IMMP2L: variants seen among roughly 807,000 people sequenced by gnomAD.
IMMP2L encodes the protein mitochondrial inner membrane protease subunit 2.
In IMMP2L, 18 loss-of-function variants were observed where a neutral mutation model predicts 19.3. The ratio of observed to expected loss-of-function variants is 0.93; its 90% CI spans 0.64 to 1.38. The LOEUF (loss-of-function observed/expected upper bound fraction) is 1.38. Ranked by LOEUF, IMMP2L falls within the 40% of genes most tolerant of loss-of-function variation. The pLI is 0.00. For missense variants in IMMP2L, 233 were observed against 218.2 expected, an observed-to-expected ratio of 1.07 and a Z score of -0.43; for synonymous variants, 76 against 73.0, an observed-to-expected ratio of 1.04 and a Z score of -0.21.
chr7:111,053,186 T>C (rs940028487), intron 3 of IMMP2L, among the ~76,000 whole-genome samples: 13 of 152,204 alleles, frequency 8.5e-5, no homozygotes, highest in African/African-American at 3.1e-4. Context: ...GCAAGCAGCT[T>C]GAAAGATATG....
rs578126614 is a variant in IMMP2L at position 110,961,458 on chromosome 7, C to A, written c.305+2042G>T. Among the ~76,000 whole-genome samples the A allele has an allele frequency of 5.5e-3, 815 of 147,236 alleles. 7 individuals are homozygous for A. The highest frequency in any genetic ancestry group is 7.1e-3 in the Middle Eastern group (2 of 282). Reference sequence around the variant, plus strand: ...TTTTTTTTTTTTTTCAGTACAGACACAACTATCATTTGTTTTCTCTCTCTC... The same window carrying A: ...TTTTTTTTTTTTTTCAGTACAGACAAAACTATCATTTGTTTTCTCTCTCTC... On this transcript the variant is annotated intron_variant, in intron 4 of 5. Coordinates refer to ENST00000405709, the MANE Select transcript of IMMP2L (RefSeq NM_032549.4).
Position 111,471,529 on chromosome 7 carries a change from C to T in IMMP2L, c.239+15709G>A, listed in dbSNP as rs557244520. Among the ~76,000 whole-genome samples the T allele has an allele frequency of 2.6e-5, 4 of 152,006 alleles. No homozygotes were observed. In the East Asian group the frequency reaches 5.8e-4, roughly 22 times the overall value. On this transcript the variant is annotated intron_variant, in intron 3 of 5. Coordinates refer to ENST00000405709, the MANE Select transcript of IMMP2L (RefSeq NM_032549.4). ...TGAGATGTGCCAAATGAAACCAACA[C>T]CAGATTTTTAAGACCTTATTTCGAA...
At chr7:111,404,108 T>C (rs1419505266) in intron 3 of IMMP2L, among the ~76,000 whole-genome samples, 3 of 152,158 alleles carry the variant, frequency 2.0e-5, no homozygotes, top group Non-Finnish European at 4.4e-5. Context: ...TCTACTTGGC[T>C]AGAAAACAAA....
At chr7:111,103,911 T>C (rs906878651) in intron 3 of IMMP2L, among the ~76,000 whole-genome samples, 5 of 151,622 alleles carry the variant, frequency 3.3e-5, no homozygotes, top group African/African-American at 1.2e-4. Context: ...GCTGCTTCTA[T>C]TGAACACCAT....
At chr7:111,189,989 T>A (rs1330763243) in intron 3 of IMMP2L, among the ~76,000 whole-genome samples, 1 of 152,170 alleles carries the variant, frequency 6.6e-6, no homozygotes, top group East Asian at 1.9e-4. Context: ...AAATACAGGT[T>A]GATATGATAA....
intron 5 of IMMP2L, among the ~76,000 whole-genome samples, chr7:110,884,105 AC>A (rs1185187924): frequency 6.6e-6 from 1 of 152,120 alleles, no homozygotes; most frequent in African/African-American, 2.4e-5. Flanking sequence ...AGTTATATAT[AC>A]ATACAAATAC....
chr7:110,949,402 C>T (rs1235236212), intron 4 of IMMP2L, among the ~76,000 whole-genome samples: 1 of 152,114 alleles, frequency 6.6e-6, no homozygotes, highest in Non-Finnish European at 1.5e-5. Context: ...AAATCCATGG[C>T]TTTTAGACTA....
rs147270800 is a variant in IMMP2L at position 111,373,143 on chromosome 7, A to G, written c.239+114095T>C. 1.2e-3 allele frequency among the ~76,000 whole-genome samples: 186 copies of G among 152,004 alleles called. 1 individual carries two copies. Among genetic ancestry groups the G allele is most frequent in the African/African-American group, 4.2e-3 (176 of 41,518 alleles). On this transcript the variant is annotated intron_variant, in intron 3 of 5. Transcript: ENST00000405709. ...GTGAAAAAAAAAAAACTGTAGAGAG[A>G]AAGAGATCACATGCCTCCCACAGGG...
At chr7:111,486,854 A>C (rs751732001) in intron 3 of IMMP2L, among the ~76,000 whole-genome samples, 7 of 152,148 alleles carry the variant, frequency 4.6e-5, no homozygotes, top group Non-Finnish European at 7.4e-5. Flanking sequence ...TTCATGTCAT[A>C]ATTATCACCT....
intron 3 of IMMP2L, among the ~76,000 whole-genome samples, chr7:111,159,704 C>T (rs983310526): frequency 2.0e-5 from 3 of 151,972 alleles, no homozygotes; most frequent in Non-Finnish European, 4.4e-5. Context: ...CAAGCACTGT[C>T]CAACAGAAAC....
rs528275427 is a variant in IMMP2L, at chr7:111,402,546, A to G, written c.239+84692T>C. On this transcript the variant is annotated intron_variant, in intron 3 of 5. Transcript: ENST00000405709. ...GGCAACACAGTGAAACCCCGTCTCT[A>G]ATAAAAATACGAAAATTAGCCAGGC... is the stretch of plus-strand genomic sequence containing the variant. 9.9e-5 allele frequency among the ~76,000 whole-genome samples: 15 copies of G among 152,122 alleles called. No homozygotes were observed. In the South Asian group the frequency reaches 2.9e-3, roughly 29 times the overall value.
At chr7:111,387,975 T>TAAAAAAAAAAAAAAAAAAAAAAAAAAA (rs750267136) in intron 3 of IMMP2L, among the ~76,000 whole-genome samples, 3 of 93,422 alleles carry the variant, frequency 3.2e-5, no homozygotes, top group African/African-American at 1.4e-4. Flanking sequence ...ACTCTGTCTT[T>TAAAAAAAAAAAAAAAAAAAAAAAAAAA]AAAAAAAAAA....
intron 3 of IMMP2L, among the ~76,000 whole-genome samples, chr7:111,485,983 T>C (rs1842626253): frequency 6.6e-6 from 1 of 152,064 alleles, no homozygotes; most frequent in Admixed American, 6.6e-5. Context: ...TATAACCTTG[T>C]CAAACCAAAG....
intron 5 of IMMP2L, among the ~76,000 whole-genome samples, chr7:110,766,927 CTTACAGCAATTT>C (rs1798702605): frequency 6.6e-6 from 1 of 152,072 alleles, no homozygotes; most frequent in Admixed American, 6.6e-5. Flanking sequence ...TCTGAGGAAA[CTTACAGCAATTT>C]TCATGCTTAA....
rs964282817 is a variant in IMMP2L, at chr7:110,885,621, T to C, written c.408+972A>G. On this transcript the variant is annotated intron_variant, in intron 5 of 5. Coordinates refer to ENST00000405709, the MANE Select transcript of IMMP2L (RefSeq NM_032549.4). ...ATGAGGAACGTCTGCATTTCTACTA[T>C]ACACTCAATGCTTCTAACATTCTAC... Among the ~76,000 whole-genome samples, 5 of 152,200 alleles carry C rather than the reference T, an allele frequency of 3.3e-5. No homozygotes were observed. The East Asian group carries it at 5.8e-4, about 18-fold the overall frequency.
chr7:111,455,536 T>C (rs1839606577), intron 3 of IMMP2L, among the ~76,000 whole-genome samples: 1 of 151,818 alleles, frequency 6.6e-6, no homozygotes, highest in Non-Finnish European at 1.5e-5. Flanking sequence ...AGCATCAATA[T>C]TTTGAATCCA....
intron 3 of IMMP2L, among the ~76,000 whole-genome samples, chr7:111,320,237 T>G (rs1332212693): frequency 6.6e-6 from 1 of 152,022 alleles, no homozygotes; most frequent in Non-Finnish European, 1.5e-5. Flanking sequence ...CCTTCTTGTG[T>G]TTCTCCATTC....
chr7:110,815,124 T>C (rs1195553473), intron 5 of IMMP2L, among the ~76,000 whole-genome samples: 1 of 152,136 alleles, frequency 6.6e-6, no homozygotes, highest in African/African-American at 2.4e-5. Flanking sequence ...GCTCCTATTA[T>C]TTTGAGATAT....
At chr7:111,310,775 T>TG (rs1823429717) in intron 3 of IMMP2L, among the ~76,000 whole-genome samples, 1 of 152,036 alleles carries the variant, frequency 6.6e-6, no homozygotes, top group African/African-American at 2.4e-5. Context: ...GATATAGGAA[T>TG]GGGGGAAGGA....
Sources: allele counts gnomAD v4.1 joint callset (sites outside exome capture counted in the v4.1 genomes callset), GRCh38; gene constraint gnomAD v4.1.1; transcripts MANE v1.5; gene names NCBI Gene and HGNC (gene_info 2026-07-23, HGNC 2026-07-21).